Variants in CADM2 observed in about 807,000 individuals in gnomAD.
CADM2 encodes the protein cell adhesion molecule 2.
CADM2 carries 12 observed loss-of-function variants against 49.8 expected under a neutral mutation model. That is an observed-to-expected ratio of 0.24 (90% CI 0.15 to 0.39). The LOEUF (loss-of-function observed/expected upper bound fraction) is 0.39, where lower values mean the gene tolerates loss of function less well. Among genes scored for constraint, CADM2 ranks in the 10% least tolerant of loss-of-function variants. The pLI is 1.00. For missense variants in CADM2, 378 were observed against 492.3 expected (o/e 0.77, Z 2.20); for synonymous variants, 214 against 175.4 (o/e 1.22, Z -1.74).
At chr3:85,707,183 A>T (rs561199995) in intron 1 of CADM2, among the ~76,000 whole-genome samples, 6 of 152,082 alleles carry the variant, frequency 3.9e-5, no homozygotes, top group Non-Finnish European at 7.4e-5. Flanking sequence ...ATTATCTATG[A>T]TTCTTTACCA....
chr3:85,435,418 C>T (rs958299947), intron 1 of CADM2, among the ~76,000 whole-genome samples: 5 of 151,918 alleles, frequency 3.3e-5, no homozygotes, highest in African/African-American at 7.3e-5. Flanking sequence ...AGTCTATCAT[C>T]GATGGGCATT....
intron 2 of CADM2, among the ~76,000 whole-genome samples, chr3:85,752,112 A>G (rs1173481406): frequency 1.3e-5 from 2 of 152,120 alleles, no homozygotes; most frequent in East Asian, 3.9e-4. Context: ...GTAACAGGGC[A>G]GCTACCACCA....
chr3:85,845,377 G>A (rs1274961941), intron 3 of CADM2, among the ~76,000 whole-genome samples: 3 of 151,978 alleles, frequency 2.0e-5, no homozygotes, highest in Non-Finnish European at 4.4e-5. Flanking sequence ...GTCTCCCTCC[G>A]GAGACCACTC....
chr3:85,952,163 G>C (rs548155548), intron 7 of CADM2, among the ~76,000 whole-genome samples: 1 of 151,028 alleles, frequency 6.6e-6, no homozygotes, highest in African/African-American at 2.4e-5. Flanking sequence ...ATAATTATTG[G>C]ACAGGAGAAA....
intron 1 of CADM2, among the ~76,000 whole-genome samples, chr3:85,700,525 C>A (rs1400905002): frequency 6.6e-6 from 1 of 152,142 alleles, no homozygotes; most frequent in Non-Finnish European, 1.5e-5. Context: ...TACTTTATTT[C>A]TTTGCTCATA....
At chr3:85,029,395 G>A (rs2034880619) in intron 1 of CADM2, among the ~76,000 whole-genome samples, 2 of 152,112 alleles carry the variant, frequency 1.3e-5, no homozygotes, top group Admixed American at 6.5e-5. Flanking sequence ...CTTGAGATGG[G>A]CCGAGAGTCT....
At chr3:85,451,042 C>T (rs1195898645) in intron 1 of CADM2, among the ~76,000 whole-genome samples, 2 of 151,946 alleles carry the variant, frequency 1.3e-5, no homozygotes, top group Non-Finnish European at 2.9e-5. Context: ...TTTCTCTGCC[C>T]ATAAATCCTG....
At chr3:85,568,795 A>T (rs1366034508) in intron 1 of CADM2, among the ~76,000 whole-genome samples, 1 of 151,124 alleles carries the variant, frequency 6.6e-6, no homozygotes, top group Non-Finnish European at 1.5e-5. Context: ...TTTAGTGGAG[A>T]TGGGGTTTCA....
At chr3:85,331,377 A>G (rs2044919931) in intron 1 of CADM2, among the ~76,000 whole-genome samples, 1 of 151,808 alleles carries the variant, frequency 6.6e-6, no homozygotes, top group Non-Finnish European at 1.5e-5. Context: ...AACATGTGAT[A>G]TTTGTTTTTC....
chr3:85,807,789 A>AGCCTTGGC (rs1224777504), intron 3 of CADM2, among the ~76,000 whole-genome samples: 94 of 152,216 alleles, frequency 6.2e-4, no homozygotes, highest in Admixed American at 1.4e-3. Flanking sequence ...ATGTCATAAT[A>AGCCTTGGC]TACCTTGTCC....
At chr3:86,009,172 G>A (rs1414041256) in intron 8 of CADM2, among the ~76,000 whole-genome samples, 1 of 140,182 alleles carries the variant, frequency 7.1e-6, no homozygotes, top group African/African-American at 2.6e-5. Flanking sequence ...TATATATATA[G>A]GTATATATAT....
At chr3:85,208,767 T>A (rs1214669621) in intron 1 of CADM2, among the ~76,000 whole-genome samples, 1 of 152,130 alleles carries the variant, frequency 6.6e-6, no homozygotes, top group East Asian at 1.9e-4. Context: ...TATTTTAAAA[T>A]TGCCAAGTCC....
chr3:85,928,154 A>G (rs1720118589), intron 6 of CADM2, among the ~76,000 whole-genome samples: 1 of 142,706 alleles, frequency 7.0e-6, no homozygotes. Context: ...TGTATAAAAG[A>G]AGAATTTTTT....
intron 7 of CADM2, among the ~76,000 whole-genome samples, chr3:85,940,417 T>A (rs1189673054): frequency 6.6e-6 from 1 of 152,052 alleles, no homozygotes. Context: ...AATCACAGGT[T>A]ATTTGCTAAT....
chr3:85,467,637 TGAAA>T (rs1404960402), intron 1 of CADM2, among the ~76,000 whole-genome samples: 1 of 152,160 alleles, frequency 6.6e-6, no homozygotes, highest in African/African-American at 2.4e-5. Context: ...TGTTAACTTT[TGAAA>T]GATTCATTTG....
intron 3 of CADM2, among the ~76,000 whole-genome samples, chr3:85,837,517 G>T (rs894467070): frequency 6.6e-6 from 1 of 151,588 alleles, no homozygotes; most frequent in Non-Finnish European, 1.5e-5. Flanking sequence ...GGAATCAGAG[G>T]AAAGACACTT....
intron 1 of CADM2, among the ~76,000 whole-genome samples, chr3:85,647,296 T>C: frequency 6.6e-6 from 1 of 151,822 alleles, no homozygotes; most frequent in East Asian, 1.9e-4. Context: ...CATTTTGTAA[T>C]CCTCAAATAT....
At chr3:85,987,327 T>C (rs1728233810) in intron 8 of CADM2, among the ~76,000 whole-genome samples, 2 of 151,910 alleles carry the variant, frequency 1.3e-5, no homozygotes, top group South Asian at 2.1e-4. Flanking sequence ...TTCTTCAGCT[T>C]CCATCAATTT....
At chr3:85,049,404 G>T (rs986332107) in intron 1 of CADM2, among the ~76,000 whole-genome samples, 8 of 151,728 alleles carry the variant, frequency 5.3e-5, no homozygotes, top group African/African-American at 1.7e-4. Context: ...AGGCTGGAGT[G>T]CAATGATGCG....
Sources: gnomAD v4.1 joint callset for allele counts (sites outside exome capture counted in the v4.1 genomes callset) on GRCh38, gnomAD v4.1.1 for gene constraint, MANE v1.5 for transcripts, NCBI Gene and HGNC (gene_info 2026-07-23, HGNC 2026-07-21) for gene names.